The following LAPTM4B variants were observed in gnomAD, a reference collection of about 807,000 sequenced individuals.
The protein encoded by LAPTM4B is lysosomal protein transmembrane 4 beta, also known as lysosomal-associated transmembrane protein 4B.
Under a neutral mutation model 28.5 loss-of-function variants are expected in LAPTM4B, and 26 were observed. The observed-to-expected ratio is 0.91, with a 90% confidence interval of 0.67 to 1.27. The LOEUF (loss-of-function observed/expected upper bound fraction) is 1.27. Ranked by LOEUF, LAPTM4B falls within the 50% of genes most tolerant of loss-of-function variation. LAPTM4B has a pLI of 0.00. For synonymous variants in LAPTM4B, 109 were observed against 106.4 expected, an observed-to-expected ratio of 1.02 and a Z score of -0.15; for missense variants, 288 against 285.8, an observed-to-expected ratio of 1.01 and a Z score of -0.06.
chr8:97,815,536 G>A, intron 3 of LAPTM4B, 135 bp downstream of exon 3: 1 of 705,326 alleles, frequency 1.4e-6, no homozygotes, highest in Non-Finnish European at 2.4e-6. Context: ...TTTGTATTAT[G>A]TGGTACTAGG....
Position 97,819,154 on chromosome 8 carries a change from C to T in LAPTM4B, c.423C>T (p.Pro141=). The change falls in exon 5 of 7, where the codon CCC becomes CCT. Residue 141 remains proline (P), a synonymous_variant. Coordinates refer to ENST00000521545, the MANE Select transcript of LAPTM4B (RefSeq NM_018407.6). ...TTCTTTTGCAGCCTCCTAATTTTCC[C>T]TACAGAGATGATGTCATGTCAGTGA... The part of the protein sequence containing the change: ...EYIRQLPPNF[P]YRDDVMSVNP... 1 of 1,605,374 alleles carries T rather than the reference C, an allele frequency of 6.2e-7. No homozygotes were observed.
intron 5 of LAPTM4B, among the ~76,000 whole-genome samples, chr8:97,821,426 A>G (rs961218188): frequency 6.6e-6 from 1 of 152,170 alleles, no homozygotes; most frequent in Non-Finnish European, 1.5e-5. Flanking sequence ...ACAAGAGTAC[A>G]TAGAGTGGGT....
chr8:97,820,907 T>C (rs1248341456), intron 5 of LAPTM4B, among the ~76,000 whole-genome samples: 1 of 151,944 alleles, frequency 6.6e-6, no homozygotes, highest in Admixed American at 6.5e-5. Context: ...TTTTGTATTT[T>C]AGTAGAGACG....
intron 6 of LAPTM4B, among the ~76,000 whole-genome samples, chr8:97,827,622 T>G (rs1342984398): frequency 6.6e-6 from 1 of 152,152 alleles, no homozygotes; most frequent in African/African-American, 2.4e-5. Context: ...TTTTGGGGAT[T>G]GAGCCCTTAA....
intron 1 of LAPTM4B, among the ~76,000 whole-genome samples, chr8:97,791,440 C>T (rs996636621): frequency 6.6e-6 from 1 of 152,188 alleles, no homozygotes; most frequent in Non-Finnish European, 1.5e-5. Flanking sequence ...TTGTTAATTA[C>T]GTGCACCCTG....
chr8:97,834,153 A>AAAAAAAAAAAAAAAAAAAAT (rs1817226225), intron 6 of LAPTM4B, among the ~76,000 whole-genome samples: 1 of 149,492 alleles, frequency 6.7e-6, no homozygotes. Flanking sequence ...AGAAAAAAAA[A>AAAAAAAAAAAAAAAAAAAAT]AAAAATCCAG....
chr8:97,806,838 TCCCAGCTACTTG>T (rs1307491614), intron 2 of LAPTM4B, among the ~76,000 whole-genome samples: 1 of 152,112 alleles, frequency 6.6e-6, no homozygotes, highest in Non-Finnish European at 1.5e-5. Flanking sequence ...GTGCCTGTAA[TCCCAGCTACTTG>T]GGAGGCTGAG....
Position 97,775,835 on chromosome 8 carries a change from G to C in LAPTM4B, c.-175G>C. 6.5e-7 allele frequency: 1 copy of C among 1,547,834 alleles called. No homozygotes were observed. Among genetic ancestry groups the C allele is most frequent in the Non-Finnish European group, 8.7e-7 (1 of 1,152,994 alleles). ...CCTTCGGAGCGAAGGGTACCGACCC[G>C]GCAGAAGCTCGGAGCTCTCGGGGTA... On this transcript the variant is annotated 5_prime_UTR_variant, in exon 1 of 7. Coordinates refer to ENST00000521545, the MANE Select transcript of LAPTM4B (RefSeq NM_018407.6).
At chr8:97,845,863 CTTCCACT>C (rs1817423168) in intron 6 of LAPTM4B, among the ~76,000 whole-genome samples, 12 of 53,392 alleles carry the variant, frequency 2.2e-4, no homozygotes, top group African/African-American at 3.2e-4. Context: ...TTTCCCCCCC[CTTCCACT>C]CCCCTCCCCT....
In LAPTM4B at chr8:97,852,719, TG is replaced by T. The variant is rs1163181830; in HGVS notation, c.*1252del. The T allele has an allele frequency of 4.8e-5, 6 of 124,032 alleles. No homozygotes were observed. Among genetic ancestry groups the T allele is most frequent in the East Asian group, 2.9e-4 (1 of 3,456 alleles). 7.7% of individuals were successfully genotyped at this position (124,032 alleles called of 1,614,324 possible). A position where few individuals can be genotyped will look rare whatever the true frequency, so the allele number is the denominator to read the frequency against. ...TTTTTTTTGGGGGGGGGAGGTCGGGTGGGGGGGATTTTTAATCTTTTAATTT... is the reference window on the plus strand; with the variant it reads ...TTTTTTTTGGGGGGGGGAGGTCGGGTGGGGGGATTTTTAATCTTTTAATTT... On this transcript the variant is annotated 3_prime_UTR_variant, in exon 7 of 7. Transcript: ENST00000521545.
intron 2 of LAPTM4B, among the ~76,000 whole-genome samples, chr8:97,807,239 G>T (rs1816769238): frequency 1.3e-5 from 2 of 152,106 alleles, no homozygotes; most frequent in East Asian, 3.9e-4. Context: ...TGCAAGATAG[G>T]AGTGACTTTA....
chr8:97,811,640 G>C (rs1286257131), intron 2 of LAPTM4B, among the ~76,000 whole-genome samples: 1 of 152,104 alleles, frequency 6.6e-6, no homozygotes, highest in East Asian at 1.9e-4. Context: ...ATTTGGAAAG[G>C]GCCCTTGGCT....
intron 6 of LAPTM4B, among the ~76,000 whole-genome samples, chr8:97,831,046 A>G (rs950082069): frequency 4.6e-5 from 7 of 152,176 alleles, no homozygotes; most frequent in South Asian, 2.1e-4. Flanking sequence ...AGAATTGTCC[A>G]GTCTTTTTTG....
intron 1 of LAPTM4B, chr8:97,788,326 A>AG: frequency 2.7e-6 from 1 of 366,248 alleles, no homozygotes; most frequent in Non-Finnish European, 5.5e-6. Context: ...TTTCTTGGCC[A>AG]GGAAACAATC....
intron 1 of LAPTM4B, among the ~76,000 whole-genome samples, chr8:97,802,899 G>A (rs79108755): frequency 0.14 from 20,613 of 151,968 alleles, 1,944 homozygotes; most frequent in Non-Finnish European, 0.21. Flanking sequence ...GGAAAATACA[G>A]GAAGAAAAAA....
chr8:97,792,389 G>C (rs1158141034), intron 1 of LAPTM4B, among the ~76,000 whole-genome samples: 3 of 151,886 alleles, frequency 2.0e-5, no homozygotes, highest in Admixed American at 1.3e-4. Flanking sequence ...CAGGCAGCTG[G>C]GACTACAGGT....
At chr8:97,781,299 T>TTTTTTTTTGG (rs1816308263) in intron 1 of LAPTM4B, among the ~76,000 whole-genome samples, 2 of 139,532 alleles carry the variant, frequency 1.4e-5, no homozygotes, top group Non-Finnish European at 3.1e-5. Flanking sequence ...TTTTTTTTTT[T>TTTTTTTTTGG]GAGGAGTTTT....
intron 1 of LAPTM4B, among the ~76,000 whole-genome samples, chr8:97,801,115 T>G (rs1381541315): frequency 6.6e-6 from 1 of 152,132 alleles, no homozygotes; most frequent in Non-Finnish European, 1.5e-5. Context: ...TCATTTCAGC[T>G]TTAAAACCCT....
At chr8:97,785,043 T>C (rs893528132) in intron 1 of LAPTM4B, among the ~76,000 whole-genome samples, 10 of 152,136 alleles carry the variant, frequency 6.6e-5, no homozygotes, top group African/African-American at 2.2e-4. Flanking sequence ...AGAACATTGG[T>C]TGGTGGAGAT....
Sources: gnomAD v4.1 joint callset for allele counts (sites outside exome capture counted in the v4.1 genomes callset) on GRCh38, gnomAD v4.1.1 for gene constraint, MANE v1.5 for transcripts, NCBI Gene and HGNC (gene_info 2026-07-23, HGNC 2026-07-21) for gene names.